GABRB2: variants seen among roughly 807,000 people sequenced by gnomAD.
GABRB2 encodes the protein gamma-aminobutyric acid type A receptor subunit beta2, also known as gamma-aminobutyric acid receptor subunit beta-2.
Under a neutral mutation model 54.7 loss-of-function variants are expected in GABRB2, and 16 were observed. The ratio of observed to expected loss-of-function variants is 0.29; its 90% CI spans 0.20 to 0.44. GABRB2 has a LOEUF of 0.44. Ranked by LOEUF, GABRB2 falls within the 20% of genes least tolerant of loss-of-function variation. GABRB2 has a pLI of 1.00. For synonymous variants in GABRB2, 244 were observed against 233.8 expected, an observed-to-expected ratio of 1.04 and a Z score of -0.40; for missense variants, 355 against 644.0, an observed-to-expected ratio of 0.55 and a Z score of 4.86.
chr5:161,536,071 C>A (rs1385029225), intron 3 of GABRB2, among the ~76,000 whole-genome samples: 1 of 152,236 alleles, frequency 6.6e-6, no homozygotes, highest in Non-Finnish European at 1.5e-5. Context: ...GATGTTCAAT[C>A]TTGAAATTTC....
At chr5:161,353,256 C>G (rs552072105) in intron 5 of GABRB2, among the ~76,000 whole-genome samples, 1 of 152,082 alleles carries the variant, frequency 6.6e-6, no homozygotes, top group South Asian at 2.1e-4. Context: ...TGGAATTGGG[C>G]AGATCACTTA....
At chr5:161,492,507 G>C (rs538651185) in intron 3 of GABRB2, among the ~76,000 whole-genome samples, 1 of 151,744 alleles carries the variant, frequency 6.6e-6, no homozygotes, top group Non-Finnish European at 1.5e-5. Flanking sequence ...ACGGCTACCA[G>C]GGTCTAATGA....
At chr5:161,457,985 T>C (rs1758010216) in intron 4 of GABRB2, among the ~76,000 whole-genome samples, 1 of 152,190 alleles carries the variant, frequency 6.6e-6, no homozygotes, top group South Asian at 2.1e-4. Flanking sequence ...TGAAGTGATA[T>C]GATGGACAAA....
intron 3 of GABRB2, among the ~76,000 whole-genome samples, chr5:161,514,495 A>G (rs928545255): frequency 6.6e-6 from 1 of 152,166 alleles, no homozygotes; most frequent in African/African-American, 2.4e-5. Context: ...TCTGACCTAG[A>G]GCAAATGCTT....
chr5:161,521,393 G>A (rs748842996), intron 3 of GABRB2, among the ~76,000 whole-genome samples: 1 of 151,808 alleles, frequency 6.6e-6, no homozygotes, highest in Non-Finnish European at 1.5e-5. Context: ...TTCTATTTAC[G>A]AACCATATAA....
chr5:161,319,366 C>T (rs893844128), intron 9 of GABRB2, among the ~76,000 whole-genome samples: 2 of 147,370 alleles, frequency 1.4e-5, no homozygotes, highest in African/African-American at 4.9e-5. Context: ...TTCTTAATGT[C>T]CTTTTTGGTA....
At chr5:161,501,946 T>C (rs1759457678) in intron 3 of GABRB2, among the ~76,000 whole-genome samples, 1 of 148,340 alleles carries the variant, frequency 6.7e-6, no homozygotes, top group Non-Finnish European at 1.5e-5. Context: ...AAATGTAAAA[T>C]ATGTAAAGTA....
At position 161,330,952 on chromosome 5, in the gene GABRB2, T is replaced by C. The variant is rs749235572; in HGVS notation, c.1008A>G (p.Gln336=). 12 of 1,614,124 alleles carry C rather than the reference T, an allele frequency of 7.4e-6. No homozygotes were observed. The highest frequency in any genetic ancestry group is 4.0e-5 in the African/African-American group (3 of 74,946). ...VNYIFFGRGP[Q]RQKKAAEKAA... ...CCTTCTCAGCTGCTTTCTTTTGGCG[T>C]TGGGGCCCCCTCCCAAAGAAGATGT... The change falls in exon 8 of 10, where the codon CAA becomes CAG. Residue 336 remains glutamine, a synonymous_variant. Coordinates refer to ENST00000393959, the MANE Select transcript of GABRB2 (RefSeq NM_001371727.1).
chr5:161,403,343 T>A (rs542469387), intron 5 of GABRB2, among the ~76,000 whole-genome samples: 1 of 152,204 alleles, frequency 6.6e-6, no homozygotes, highest in Non-Finnish European at 1.5e-5. Context: ...CCTAGCACAC[T>A]CTCTTAAAGA....
chr5:161,352,273 T>C (rs1754491658), intron 5 of GABRB2, among the ~76,000 whole-genome samples: 1 of 152,030 alleles, frequency 6.6e-6, no homozygotes, highest in African/African-American at 2.4e-5. Flanking sequence ...TGAAATATTA[T>C]TTATAATAGC....
chr5:161,504,756 TAA>T (rs554554929), intron 3 of GABRB2, among the ~76,000 whole-genome samples: 1 of 132,176 alleles, frequency 7.6e-6, no homozygotes, highest in Non-Finnish European at 1.6e-5. Context: ...TATCTGGAAT[TAA>T]AAAAAAAAGG....
At chr5:161,336,484 A>T in intron 6 of GABRB2, 148 bp downstream of exon 6, 1 of 931,192 alleles carries the variant, frequency 1.1e-6, no homozygotes, top group Non-Finnish European at 1.6e-6. Context: ...GAGTAGAACA[A>T]TAGACTTCAT....
Position 161,362,208 on chromosome 5 carries a change from G to A in GABRB2, c.542-25439C>T, listed in dbSNP as rs183040356. Among the ~76,000 whole-genome samples, 38 of 152,216 alleles carry A rather than the reference G, an allele frequency of 2.5e-4. 1 individual carries two copies. Among genetic ancestry groups the A allele is most frequent in the Admixed American group, 2.4e-3 (37 of 15,286 alleles). On this transcript the variant is annotated intron_variant, in intron 5 of 9. Transcript: ENST00000393959. ...GTAGCATAATTTGAAGTCAGGTAGC[G>A]TGATGCCTCCAGCTTTGTTCTTTTT...
chr5:161,340,784 G>A lies in GABRB2; in HGVS notation c.542-4015C>T, dbSNP rs192178184. Among the ~76,000 whole-genome samples the A allele has an allele frequency of 3.5e-3, 536 of 152,028 alleles. 6 individuals are homozygous for A. The highest frequency in any genetic ancestry group is 4.5e-3 in the Non-Finnish European group (306 of 67,892). On this transcript the variant is annotated intron_variant, in intron 5 of 9. Coordinates refer to ENST00000393959, the MANE Select transcript of GABRB2 (RefSeq NM_001371727.1). ...AAAATAAATGTAAAACATATTTTAT[G>A]TCCCATTTTGTGGTTATTAAGTGAA...
chr5:161,502,780 C>T (rs75513021), intron 3 of GABRB2, among the ~76,000 whole-genome samples: 255 of 152,106 alleles, frequency 1.7e-3, no homozygotes, highest in Non-Finnish European at 2.6e-3. Context: ...ATGAAGTAGC[C>T]GAAATTTGTA....
At chr5:161,384,485 G>C (rs918497670) in intron 5 of GABRB2, among the ~76,000 whole-genome samples, 1 of 152,138 alleles carries the variant, frequency 6.6e-6, no homozygotes, top group Non-Finnish European at 1.5e-5. Context: ...CACGGTAACA[G>C]TGTTCAACTT....
intron 4 of GABRB2, among the ~76,000 whole-genome samples, chr5:161,414,077 A>G (rs1424801992): frequency 2.6e-5 from 4 of 152,212 alleles, no homozygotes; most frequent in Non-Finnish European, 4.4e-5. Flanking sequence ...CTGTTGTTTT[A>G]ATGATATAAT....
intron 5 of GABRB2, among the ~76,000 whole-genome samples, chr5:161,367,472 C>T (rs1007087112): frequency 3.3e-5 from 5 of 151,228 alleles, no homozygotes; most frequent in East Asian, 1.9e-4. Flanking sequence ...ATATATTTTT[C>T]GTTTGCTTAA....
chr5:161,463,317 C>A (rs867593333), intron 3 of GABRB2, among the ~76,000 whole-genome samples: 73 of 141,186 alleles, frequency 5.2e-4, no homozygotes, highest in African/African-American at 1.3e-3. Flanking sequence ...TACACACACA[C>A]CACACACACA....
Sources: gnomAD v4.1 joint callset for allele counts (sites outside exome capture counted in the v4.1 genomes callset) on GRCh38, gnomAD v4.1.1 for gene constraint, MANE v1.5 for transcripts, NCBI Gene and HGNC (gene_info 2026-07-23, HGNC 2026-07-21) for gene names.